Variants in DROSHA observed in about 807,000 individuals in gnomAD.
DROSHA encodes the protein drosha ribonuclease III.
Under a neutral mutation model 181.9 loss-of-function variants are expected in DROSHA, and 56 were observed. The ratio of observed to expected loss-of-function variants is 0.31; its 90% CI spans 0.25 to 0.38. The LOEUF (loss-of-function observed/expected upper bound fraction) is 0.38, where lower values mean the gene tolerates loss of function less well. DROSHA is among the 10% of genes least tolerant of loss of function. The probability of loss-of-function intolerance (pLI) is 1.00; values close to 1 mark genes in which losing one functional copy is unlikely to be tolerated. For missense variants in DROSHA, 1,218 were observed against 1,743.5 expected (o/e 0.70, Z 5.37); for synonymous variants, 524 against 591.2 (o/e 0.89, Z 1.65).
intron 26 of DROSHA, among the ~76,000 whole-genome samples, chr5:31,431,149 G>A (rs925110051): frequency 6.6e-6 from 1 of 152,108 alleles, no homozygotes; most frequent in African/African-American, 2.4e-5. Context: ...AAAAGATGTG[G>A]TGTTCTCAAG....
At chr5:31,438,741 T>G (rs1259999638) in intron 23 of DROSHA, among the ~76,000 whole-genome samples, 1 of 151,994 alleles carries the variant, frequency 6.6e-6, no homozygotes, top group Admixed American at 6.6e-5. Flanking sequence ...AGACAGAATT[T>G]CAGGTGATGA....
At chr5:31,406,517 T>C (rs537695682) in intron 34 of DROSHA, among the ~76,000 whole-genome samples, 2 of 152,080 alleles carry the variant, frequency 1.3e-5, no homozygotes, top group South Asian at 2.1e-4. Flanking sequence ...AAAAGTCTAA[T>C]GGTCGTGTCA....
At chr5:31,513,031 G>A (rs868253146) in intron 8 of DROSHA, among the ~76,000 whole-genome samples, 11 of 152,198 alleles carry the variant, frequency 7.2e-5, no homozygotes, top group Admixed American at 1.3e-4. Flanking sequence ...AAATGTGTGC[G>A]GTTTCAAGCC....
intron 35 of DROSHA, among the ~76,000 whole-genome samples, chr5:31,404,850 A>C (rs926787188): frequency 2.0e-5 from 3 of 152,184 alleles, no homozygotes; most frequent in Admixed American, 6.5e-5. Flanking sequence ...TGAATAAAAT[A>C]TTGCACACCT....
chr5:31,498,073 A>G (rs1753190520), intron 11 of DROSHA, among the ~76,000 whole-genome samples: 1 of 152,172 alleles, frequency 6.6e-6, no homozygotes, highest in Non-Finnish European at 1.5e-5. Flanking sequence ...CTATTCTTGT[A>G]AGGGGAAACT....
At chr5:31,496,682 T>G (rs1174039014) in intron 11 of DROSHA, among the ~76,000 whole-genome samples, 1 of 152,234 alleles carries the variant, frequency 6.6e-6, no homozygotes. Context: ...GCCTGCTCTA[T>G]GCCCACAGCC....
chr5:31,472,514 G>A (rs978493795), intron 16 of DROSHA, among the ~76,000 whole-genome samples: 1 of 152,074 alleles, frequency 6.6e-6, no homozygotes. Flanking sequence ...TAAAAAAGGT[G>A]CCTATCTAAA....
intron 23 of DROSHA, among the ~76,000 whole-genome samples, chr5:31,446,691 A>G (rs1746343940): frequency 6.6e-6 from 1 of 151,422 alleles, no homozygotes; most frequent in Admixed American, 6.6e-5. Context: ...AAAAAAAAAA[A>G]AAAGGTTAAG....
chr5:31,508,815 T>A, intron 9 of DROSHA, 40 bp from the exon 10 acceptor site: 1 of 1,542,326 alleles, frequency 6.5e-7, no homozygotes, highest in Non-Finnish European at 8.7e-7. Context: ...ATTGATGGAA[T>A]TAACAAACTG....
rs991376931 is a variant in DROSHA, at chr5:31,506,959, A to C, written c.1587+1662T>G. ...AAAGCACTGTTGAATTTCTGATAGA[A>C]ACAGGTATCCACGGAAATCAGTGTA... On this transcript the variant is annotated intron_variant, in intron 10 of 35. Coordinates refer to ENST00000344624, the MANE Select transcript of DROSHA (RefSeq NM_001382508.1). 3.3e-5 allele frequency among the ~76,000 whole-genome samples: 5 copies of C among 152,310 alleles called. No individual in the cohort carries two copies. The East Asian group carries it at 7.7e-4, about 24-fold the overall frequency.
intron 13 of DROSHA, 116 bp downstream of exon 13, chr5:31,493,091 G>A: frequency 9.6e-7 from 1 of 1,039,218 alleles, no homozygotes; most frequent in South Asian, 1.5e-5. Flanking sequence ...CAATACAGAG[G>A]GATGCAGAGG....
chr5:31,419,679 G>C (rs986014735), intron 30 of DROSHA, among the ~76,000 whole-genome samples: 2 of 152,120 alleles, frequency 1.3e-5, no homozygotes, highest in African/African-American at 4.8e-5. Flanking sequence ...GAATACCAGG[G>C]GAAATGTGTG....
Position 31,409,541 on chromosome 5 carries a change from CA to C in DROSHA, c.3668-210del, listed in dbSNP as rs556199518. On this transcript the variant is annotated intron_variant, in intron 31 of 35. Coordinates refer to ENST00000344624, the MANE Select transcript of DROSHA (RefSeq NM_001382508.1). This position sits in a 1 kb window ranked among gnomAD's most constrained non-coding sequence, Gnocchi z 4.0. Reference sequence around the variant, plus strand: ...TGTGTAAGATGCAAATCATAGAGTACAAACACCAAACTGCATTTAGCTAAGG... The same window carrying C: ...TGTGTAAGATGCAAATCATAGAGTACAACACCAAACTGCATTTAGCTAAGG... 1.3e-5 allele frequency: 7 copies of C among 546,860 alleles called. No homozygotes were observed. The highest frequency in any genetic ancestry group is 2.3e-5 in the Non-Finnish European group (7 of 303,106). 33.9% of individuals were successfully genotyped at this position (546,860 alleles called of 1,614,324 possible). A position where few individuals can be genotyped will look rare whatever the true frequency, so the allele number is the denominator to read the frequency against.
chr5:31,446,303 C>A (rs1200857702), intron 23 of DROSHA, among the ~76,000 whole-genome samples: 1 of 151,576 alleles, frequency 6.6e-6, no homozygotes, highest in Non-Finnish European at 1.5e-5. Context: ...AAAAATTAGC[C>A]GGGTGTGGTG....
At position 31,409,352 on chromosome 5, in the gene DROSHA, T is replaced by A; in HGVS notation, c.3668-20A>T. On this transcript the variant is annotated intron_variant, in intron 31 of 35. Coordinates refer to ENST00000344624, the MANE Select transcript of DROSHA (RefSeq NM_001382508.1). This position sits in a 1 kb window ranked among gnomAD's most constrained non-coding sequence, Gnocchi z 4.0. ...TAAATGCTGGGGAAAAAAGAATACTTTAAAATAAACCACAATCACTGCCAT... is the reference window on the plus strand; with the variant it reads ...TAAATGCTGGGGAAAAAAGAATACTATAAAATAAACCACAATCACTGCCAT... 1 of 1,556,142 alleles carries A rather than the reference T, an allele frequency of 6.4e-7. No individual in the cohort carries two copies. The highest frequency in any genetic ancestry group is 8.7e-7 in the Non-Finnish European group (1 of 1,149,152).
intron 22 of DROSHA, 88 bp from the exon 23 acceptor site, chr5:31,448,695 T>C: frequency 3.1e-6 from 3 of 964,824 alleles, no homozygotes; most frequent in Non-Finnish European, 4.8e-6. Context: ...AATTATCTCA[T>C]CTCAATGTGA....
Position 31,515,234 on chromosome 5 carries a change from A to G in DROSHA, c.1059-15T>C. The G allele has an allele frequency of 6.3e-7, 1 of 1,590,558 alleles. No homozygotes were observed. The highest frequency in any genetic ancestry group is 8.5e-7 in the Non-Finnish European group (1 of 1,173,376). On this transcript the variant is annotated splice_polypyrimidine_tract_variant and intron_variant, in intron 7 of 35. Coordinates refer to ENST00000344624, the MANE Select transcript of DROSHA (RefSeq NM_001382508.1). ...TTGGGGAGCGACTTCAAAAGAGGGC[A>G]AAGGAGGTTAATTATTAAAAATACT...
At chr5:31,432,733 G>A (rs1324724314) in intron 25 of DROSHA, among the ~76,000 whole-genome samples, 1 of 152,116 alleles carries the variant, frequency 6.6e-6, no homozygotes, top group South Asian at 2.1e-4. Flanking sequence ...GTGTAGGGCT[G>A]ATGAATACGT....
chr5:31,517,650 T>A (rs1739411844), intron 6 of DROSHA, among the ~76,000 whole-genome samples: 1 of 152,194 alleles, frequency 6.6e-6, no homozygotes, highest in South Asian at 2.1e-4. Context: ...ATTTTTAAAA[T>A]TATTATATAT....
Sources: allele counts gnomAD v4.1 joint callset (sites outside exome capture counted in the v4.1 genomes callset), GRCh38; gene constraint gnomAD v4.1.1; non-coding constraint Gnocchi (gnomAD v3.1); transcripts MANE v1.5; gene names NCBI Gene and HGNC (gene_info 2026-07-23, HGNC 2026-07-21).